CAPN9: variants seen among roughly 807,000 people sequenced by gnomAD.
The protein encoded by CAPN9 is calpain 9.
Under a neutral mutation model 92.8 loss-of-function variants are expected in CAPN9, and 81 were observed. The ratio of observed to expected loss-of-function variants is 0.87; its 90% confidence interval spans 0.73 to 1.05. The LOEUF is 1.05. CAPN9 is among the 50% of genes least tolerant of loss of function. The pLI, the probability that CAPN9 is intolerant of heterozygous loss-of-function variation, is 0.00. For synonymous variants in CAPN9, 304 were observed against 328.0 expected, an observed-to-expected ratio of 0.93 and a Z score of 0.79; for missense variants, 848 against 866.2, an observed-to-expected ratio of 0.98 and a Z score of 0.26.
chr1:230,767,271 G>A (rs1340054945), intron 4 of CAPN9, among the ~76,000 whole-genome samples: 1 of 152,126 alleles, frequency 6.6e-6, no homozygotes. Flanking sequence ...GTAGAACCAG[G>A]ATTTGAACCT....
At chr1:230,758,035 T>C (rs1665367537) in intron 2 of CAPN9, among the ~76,000 whole-genome samples, 1 of 152,120 alleles carries the variant, frequency 6.6e-6, no homozygotes, top group Admixed American at 6.6e-5. Context: ...CAGGCACAGC[T>C]GGGTGGCCAG....
At chr1:230,755,480 G>A (rs1359326473) in intron 2 of CAPN9, 74 bp downstream of exon 2, 1 of 1,204,354 alleles carries the variant, frequency 8.3e-7, no homozygotes, top group African/African-American at 1.6e-5. Flanking sequence ...GCAGCATGGG[G>A]TCCCTGAGGA....
At position 230,790,226 on chromosome 1, in the gene CAPN9, T is replaced by C. The variant is rs745399656; in HGVS notation, c.1657+37T>C. The C allele has an allele frequency of 3.1e-6, 5 of 1,612,334 alleles. No individual in the cohort carries two copies. The East Asian group carries it at 6.7e-5, about 22-fold the overall frequency. On this transcript the variant is annotated intron_variant, in intron 14 of 19. Coordinates refer to ENST00000271971, the MANE Select transcript of CAPN9 (RefSeq NM_006615.3). The stretch of plus-strand genomic sequence containing the variant: ...CCCCATCGGGGTCCTGGGGCACCTA[T>C]GGAGGGACAAGCGACCACACTGCCT...
chr1:230,800,287 AAAGAAAGAAAGAAAGAAAGG>A (rs1399485785), intron 19 of CAPN9, among the ~76,000 whole-genome samples: 1,737 of 126,798 alleles, frequency 0.014, 151 homozygotes, highest in Non-Finnish European at 0.019. Context: ...AGAAAGAAAG[AAAGAAAGAAAGAAAGAAAGG>A]AAAAACAAGA....
At position 230,792,485 on chromosome 1, in the gene CAPN9, G is replaced by A; in HGVS notation, c.1782G>A (p.Lys594=). 1.2e-6 allele frequency: 2 copies of A among 1,613,710 alleles called. No homozygotes were observed. Among genetic ancestry groups the A allele is most frequent in the Non-Finnish European group, 1.7e-6 (2 of 1,179,572 alleles). ...DEFKVFWDKL[K]QWINLFLRFD... ...TCAAAGTGTTCTGGGACAAGCTGAA[G>A]CAGTGGATTGTATGTAACCTGGAGC... Residue 594 remains lysine (K), a synonymous_variant, in exon 16 of 20, where the codon AAG becomes AAA. Coordinates refer to ENST00000271971, the MANE Select transcript of CAPN9 (RefSeq NM_006615.3).
chr1:230,797,125 C>G (rs1244330146), intron 18 of CAPN9, among the ~76,000 whole-genome samples: 3 of 152,166 alleles, frequency 2.0e-5, no homozygotes, highest in African/African-American at 4.8e-5. Flanking sequence ...CACAGTTGAC[C>G]AATTCTGTTA....
intron 1 of CAPN9, 113 bp downstream of exon 1, chr1:230,747,822 G>GCGTA: frequency 1.1e-6 from 1 of 876,234 alleles, no homozygotes; most frequent in South Asian, 1.5e-5. Flanking sequence ...GTGCAACTGA[G>GCGTA]GTGCATCATC....
chr1:230,797,436 C>A (rs1326757833), intron 18 of CAPN9, among the ~76,000 whole-genome samples: 2 of 152,184 alleles, frequency 1.3e-5, no homozygotes, highest in African/African-American at 4.8e-5. Flanking sequence ...GTCTTCCAGG[C>A]CACCTTTTTA....
At chr1:230,793,538 C>T (rs1387354700) in intron 17 of CAPN9, among the ~76,000 whole-genome samples, 1 of 152,238 alleles carries the variant, frequency 6.6e-6, no homozygotes, top group African/African-American at 2.4e-5. Context: ...GGTCCCATGT[C>T]CTGCACACAC....
At chr1:230,787,718 T>C (rs1469162640) in intron 13 of CAPN9, 116 bp downstream of exon 13, 2 of 841,150 alleles carry the variant, frequency 2.4e-6, no homozygotes, top group Non-Finnish European at 4.0e-6. Flanking sequence ...ATGATGGAGC[T>C]TGTTGCAAAG....
Position 230,767,594 on chromosome 1 carries a change from A to G in CAPN9, c.590A>G (p.Glu197Gly). The part of the protein sequence containing the change: ...LKGGSAIEAM[E>G]DFTGGVAETF... The stretch of plus-strand genomic sequence containing the variant: ...GGAGGCAGCGCCATCGAGGCCATGG[A>G]AGACTTCACTGGGGGTGTGGCAGAG... The change falls in exon 5 of 20, where the codon GAA becomes GGA. Residue 197 changes from glutamate to glycine, a missense_variant. Coordinates refer to ENST00000271971, the MANE Select transcript of CAPN9 (RefSeq NM_006615.3). 5 of 1,613,672 alleles carry G rather than the reference A, an allele frequency of 3.1e-6. No homozygotes were observed. The highest frequency in any genetic ancestry group is 4.2e-6 in the Non-Finnish European group (5 of 1,179,784).
chr1:230,782,560 C>T (rs1328691565), intron 11 of CAPN9, among the ~76,000 whole-genome samples: 1 of 152,174 alleles, frequency 6.6e-6, no homozygotes, highest in Non-Finnish European at 1.5e-5. Context: ...CCAAATATTA[C>T]AAGTCCCCCT....
At position 230,774,616 on chromosome 1, in the gene CAPN9, A is replaced by G. The variant is rs988845505; in HGVS notation, c.938A>G (p.Asp313Gly). Residue 313 changes from aspartate (D) to glycine (G), a missense_variant, in exon 8 of 20, where the codon GAT (aspartate) becomes GGT (glycine). Coordinates refer to ENST00000271971, the MANE Select transcript of CAPN9 (RefSeq NM_006615.3). ...AAGCGTCTGTGTCACACTGCTCTGG[A>G]TGATGGGGAATTCTGGTACCGTGCT... is the stretch of plus-strand genomic sequence containing the variant. ...EQKRLCHTAL[D>G]DGEFWMAFKD... The G allele has an allele frequency of 1.2e-6, 2 of 1,613,248 alleles. No homozygotes were observed. The highest frequency in any genetic ancestry group is 2.7e-5 in the African/African-American group (2 of 74,876).
In CAPN9 at chr1:230,801,597, G is replaced by C. The variant is rs753030168; in HGVS notation, c.*1G>C. 11 of 1,613,782 alleles carry C rather than the reference G, an allele frequency of 6.8e-6. No homozygotes were observed. Among genetic ancestry groups the C allele is most frequent in the Non-Finnish European group, 5.1e-6 (6 of 1,179,876 alleles). On this transcript the variant is annotated 3_prime_UTR_variant, in exon 20 of 20. Transcript: ENST00000271971. ...CATCCATTTGACAATGAACATCTGA[G>C]GCTGCCTTGTAGAGATGCAGCCTGC...
chr1:230,797,699 C>A (rs1668441942), intron 18 of CAPN9, among the ~76,000 whole-genome samples: 1 of 152,194 alleles, frequency 6.6e-6, no homozygotes, highest in Non-Finnish European at 1.5e-5. Context: ...ATGCGGTAGA[C>A]CCAGCCCCCA....
intron 9 of CAPN9, among the ~76,000 whole-genome samples, 193 bp downstream of exon 9, chr1:230,779,326 T>G (rs567156420): frequency 1.3e-5 from 2 of 152,154 alleles, no homozygotes; most frequent in Non-Finnish European, 2.9e-5. Flanking sequence ...TTTTACCACT[T>G]AGGTTATTTT....
Position 230,784,146 on chromosome 1 carries a change from G to T in CAPN9, c.1482-1835G>T, listed in dbSNP as rs145204600. On this transcript the variant is annotated intron_variant, in intron 11 of 19. Transcript: ENST00000271971. The stretch of plus-strand genomic sequence containing the variant: ...TTCTAACAACCTATACTCAGATATG[G>T]GAGCAAAGATATGACTTAAAGCTGG... Among the ~76,000 whole-genome samples, 260 of 152,286 alleles carry T rather than the reference G, an allele frequency of 1.7e-3. 1 individual carries two copies. The highest frequency in any genetic ancestry group is 0.01 in the Middle Eastern group (3 of 294).
At chr1:230,787,886 C>T (rs1314765268) in intron 13 of CAPN9, among the ~76,000 whole-genome samples, 2 of 152,210 alleles carry the variant, frequency 1.3e-5, no homozygotes, top group Admixed American at 1.3e-4. Context: ...GACAGAGTCT[C>T]ACTCTTTTAC....
chr1:230,798,833 G>A (rs28359742), intron 19 of CAPN9, among the ~76,000 whole-genome samples: 3,092 of 152,268 alleles, frequency 0.02, 111 homozygotes, highest in African/African-American at 0.07. Flanking sequence ...AGGAGAGAGC[G>A]TTGGAAATGC....
Sources: allele counts gnomAD v4.1 joint callset (sites outside exome capture counted in the v4.1 genomes callset), GRCh38; gene constraint gnomAD v4.1.1; transcripts MANE v1.5; gene names NCBI Gene and HGNC (gene_info 2026-07-23, HGNC 2026-07-21).